The following GNAL variants were observed in gnomAD, a reference collection of about 807,000 sequenced individuals.
GNAL encodes the protein G protein subunit alpha L.
A neutral mutation model predicts 55.1 loss-of-function variants in GNAL; 18 were observed. The ratio of observed to expected loss-of-function variants is 0.33; its 90% CI spans 0.23 to 0.48. The LOEUF is 0.48. Ranked by LOEUF, GNAL falls within the 20% of genes least tolerant of loss-of-function variation. GNAL has a pLI of 0.99. For synonymous variants in GNAL, 253 were observed against 237.0 expected (o/e 1.07, Z -0.62); for missense variants, 412 against 614.1 (o/e 0.67, Z 3.48).
At chr18:11,725,601 G>T (rs781577357) in intron 1 of GNAL, among the ~76,000 whole-genome samples, 3 of 152,160 alleles carry the variant, frequency 2.0e-5, no homozygotes, top group Non-Finnish European at 4.4e-5. Flanking sequence ...TGCATTTAAG[G>T]TGGCTCCATG....
chr18:11,837,847 A>G (rs528064015), intron 5 of GNAL, among the ~76,000 whole-genome samples: 9 of 152,350 alleles, frequency 5.9e-5, no homozygotes, highest in Admixed American at 1.3e-4. Flanking sequence ...TAATAATCAA[A>G]ATGTGTAAAC....
chr18:11,701,792 C>T (rs749556282), intron 1 of GNAL, among the ~76,000 whole-genome samples: 18 of 152,118 alleles, frequency 1.2e-4, no homozygotes, highest in Non-Finnish European at 2.1e-4. Context: ...GTTTGAGCAA[C>T]AGTGTGCAGT....
At chr18:11,722,496 C>T (rs2032117634) in intron 1 of GNAL, among the ~76,000 whole-genome samples, 2 of 152,242 alleles carry the variant, frequency 1.3e-5, no homozygotes, top group South Asian at 2.1e-4. Flanking sequence ...AATAAAGCAC[C>T]CTTCACTGTA....
At chr18:11,738,888 G>C (rs2032514968) in intron 1 of GNAL, among the ~76,000 whole-genome samples, 1 of 152,184 alleles carries the variant, frequency 6.6e-6, no homozygotes, top group African/African-American at 2.4e-5. Flanking sequence ...AGGCAGGACG[G>C]CAGTGACCTG....
chr18:11,836,840 T>G (rs942887171), intron 5 of GNAL, among the ~76,000 whole-genome samples: 28 of 152,372 alleles, frequency 1.8e-4, no homozygotes, highest in African/African-American at 6.2e-4. Flanking sequence ...CATGGACCTA[T>G]GCATTTGAAG....
At chr18:11,787,079 CAAT>C (rs1168272015) in intron 4 of GNAL, among the ~76,000 whole-genome samples, 2 of 151,960 alleles carry the variant, frequency 1.3e-5, no homozygotes, top group Non-Finnish European at 2.9e-5. Context: ...CTCATTTCTA[CAAT>C]AATAATAATA....
chr18:11,811,477 A>G (rs2034814100), intron 4 of GNAL: 1 of 152,190 alleles, frequency 6.6e-6, no homozygotes, highest in Non-Finnish European at 1.5e-5. Flanking sequence ...CCAGGCGAGG[A>G]AACTGTTAAA....
chr18:11,849,760 G>A (rs183504152), intron 5 of GNAL, among the ~76,000 whole-genome samples: 67 of 152,128 alleles, frequency 4.4e-4, no homozygotes, highest in Non-Finnish European at 8.2e-4. Flanking sequence ...ACTGCTTTGC[G>A]GGGCAAAAAG....
At chr18:11,705,144 G>A (rs1210677113) in intron 1 of GNAL, among the ~76,000 whole-genome samples, 5 of 152,144 alleles carry the variant, frequency 3.3e-5, no homozygotes, top group African/African-American at 4.8e-5. Flanking sequence ...AGAAACAACC[G>A]TGCTACTCTT....
chr18:11,880,533 C>G (rs928137398), intron 11 of GNAL, among the ~76,000 whole-genome samples: 1 of 152,146 alleles, frequency 6.6e-6, no homozygotes, highest in Admixed American at 6.5e-5. Context: ...CAAGACTGCA[C>G]CACTGCACTC....
intron 1 of GNAL, among the ~76,000 whole-genome samples, chr18:11,733,201 G>C (rs773370626): frequency 6.6e-6 from 1 of 152,242 alleles, no homozygotes; most frequent in Non-Finnish European, 1.5e-5. Flanking sequence ...AGCTGCGCCC[G>C]GGCGCGGGGA....
chr18:11,876,666 T>C lies in GNAL; in HGVS notation c.1208T>C (p.Phe403Ser). The C allele has an allele frequency of 6.2e-7, 1 of 1,606,086 alleles. No individual in the cohort carries two copies. The highest frequency in any genetic ancestry group is 8.5e-7 in the Non-Finnish European group (1 of 1,172,612). Residue 403 changes from phenylalanine (F) to serine (S), a missense_variant, in exon 11 of 12, where the codon TTC becomes TCC. Transcript: ENST00000334049. ...GEDPKVTRAK[F>S]FIRDLFLRIS... ...GATCCCAAAGTTACAAGAGCCAAGTTCTTTATCCGGGACCTGTTTTTGGTA... is the reference window on the plus strand; with the variant it reads ...GATCCCAAAGTTACAAGAGCCAAGTCCTTTATCCGGGACCTGTTTTTGGTA...
chr18:11,855,809 C>G (rs1398729562), intron 5 of GNAL, among the ~76,000 whole-genome samples: 2 of 152,028 alleles, frequency 1.3e-5, no homozygotes, highest in Non-Finnish European at 2.9e-5. Context: ...CCCGTCTCTA[C>G]TAAAAATACA....
chr18:11,789,594 A>G lies in GNAL; in HGVS notation c.625-35324A>G, dbSNP rs532598218. Reference sequence around the variant, plus strand: ...TCCCCACGGATCCAACAATCCAGTTATCATTGTATAGATTATAAGCATAAA... The same window carrying G: ...TCCCCACGGATCCAACAATCCAGTTGTCATTGTATAGATTATAAGCATAAA... On this transcript the variant is annotated intron_variant, in intron 4 of 11. Transcript: ENST00000334049. 2.6e-5 allele frequency among the ~76,000 whole-genome samples: 4 copies of G among 152,262 alleles called. No individual in the cohort carries two copies. The South Asian group carries it at 6.2e-4, about 24-fold the overall frequency.
intron 4 of GNAL, among the ~76,000 whole-genome samples, chr18:11,785,992 T>A (rs1227488066): frequency 1.3e-5 from 2 of 152,164 alleles, no homozygotes; most frequent in Non-Finnish European, 2.9e-5. Flanking sequence ...AAAAGAAAAG[T>A]GGGGCTGCCC....
Position 11,787,601 on chromosome 18 carries a change from G to A in GNAL, c.624+33656G>A, listed in dbSNP as rs1178492341. Among the ~76,000 whole-genome samples, 5 of 152,310 alleles carry A rather than the reference G, an allele frequency of 3.3e-5. No individual in the cohort carries two copies. The East Asian group carries it at 7.7e-4, about 24-fold the overall frequency. ...ATTTAGGAAATATTTGGCCGGGCGC[G>A]GTGGCCCACGCCTGTGTAATCCTAG... On this transcript the variant is annotated intron_variant, in intron 4 of 11. Coordinates refer to ENST00000334049, the MANE Select transcript of GNAL (RefSeq NM_182978.4).
At chr18:11,725,093 G>T (rs1367901560) in intron 1 of GNAL, among the ~76,000 whole-genome samples, 3 of 152,148 alleles carry the variant, frequency 2.0e-5, no homozygotes, top group African/African-American at 7.2e-5. Context: ...CAGCTTTTTG[G>T]ATCACTAAAT....
chr18:11,712,481 T>C (rs1175279894), intron 1 of GNAL, among the ~76,000 whole-genome samples: 2 of 152,264 alleles, frequency 1.3e-5, no homozygotes, highest in Non-Finnish European at 2.9e-5. Context: ...GTTACATCAA[T>C]TTTTCAGCAG....
At chr18:11,797,234 A>T (rs1334526244) in intron 4 of GNAL, among the ~76,000 whole-genome samples, 3 of 151,908 alleles carry the variant, frequency 2.0e-5, no homozygotes, top group African/African-American at 7.3e-5. Flanking sequence ...ACCCGGCCAG[A>T]ACTTCTTAAA....
Sources: allele counts gnomAD v4.1 joint callset (sites outside exome capture counted in the v4.1 genomes callset), GRCh38; gene constraint gnomAD v4.1.1; transcripts MANE v1.5; gene names NCBI Gene and HGNC (gene_info 2026-07-23, HGNC 2026-07-21).